RASSF3: variants seen among roughly 807,000 people sequenced by gnomAD.
RASSF3 encodes ras association domain-containing protein 3.
RASSF3 carries 19 observed loss-of-function variants against 19.9 expected under a neutral mutation model. The ratio of observed to expected loss-of-function variants is 0.96; its 90% confidence interval spans 0.67 to 1.40. The LOEUF (loss-of-function observed/expected upper bound fraction) is 1.40, where lower values mean the gene tolerates loss of function less well. Among genes scored for constraint, RASSF3 ranks in the 40% most tolerant of loss-of-function variants. RASSF3 has a pLI of 0.00. For missense variants in RASSF3, 306 were observed against 289.8 expected (o/e 1.06, Z -0.41); for synonymous variants, 110 against 104.2 (o/e 1.06, Z -0.34).
chr12:64,594,265 T>C (rs2136141936), intron 2 of RASSF3, among the ~76,000 whole-genome samples: 1 of 151,350 alleles, frequency 6.6e-6, no homozygotes, highest in African/African-American at 2.4e-5. Flanking sequence ...GCCCAGGAGG[T>C]CAAGGCTGCA....
In RASSF3 at chr12:64,647,258, A is replaced by AT. The variant is rs567500189; in HGVS notation, c.111+36523dup. 4.5e-4 allele frequency among the ~76,000 whole-genome samples: 68 copies of AT among 150,054 alleles called. 2 individuals carry two copies. In the South Asian group the frequency reaches 5.9e-3, roughly 13 times the overall value. Reference sequence around the variant, plus strand: ...TTTTATTTATTTATTTATTTATTTTATTTTTTTTAAGACAGAGCCTCACTC... The same window carrying AT: ...TTTTATTTATTTATTTATTTATTTTATTTTTTTTTAAGACAGAGCCTCACTC... On this transcript the variant is annotated intron_variant, in intron 1 of 4. Coordinates refer to ENST00000542104, the MANE Select transcript of RASSF3 (RefSeq NM_178169.4).
intron 1 of RASSF3, among the ~76,000 whole-genome samples, chr12:64,537,132 A>T (rs984441139): frequency 6.6e-6 from 1 of 151,742 alleles, no homozygotes; most frequent in African/African-American, 2.4e-5. Flanking sequence ...TTCTCCCCCT[A>T]TCTCTCTGAC....
chr12:64,588,892 T>C (rs928058271), intron 2 of RASSF3, among the ~76,000 whole-genome samples: 4 of 152,230 alleles, frequency 2.6e-5, no homozygotes, highest in African/African-American at 9.6e-5. Flanking sequence ...AAAGACCCTC[T>C]TTATGTAACT....
At chr12:64,647,028 G>A (rs777462264) in intron 1 of RASSF3, among the ~76,000 whole-genome samples, 4 of 152,116 alleles carry the variant, frequency 2.6e-5, no homozygotes, top group Non-Finnish European at 5.9e-5. Context: ...AAGTGCAGAA[G>A]CTAGAATTTT....
At chr12:64,670,786 T>C (rs1438499091) in intron 1 of RASSF3, among the ~76,000 whole-genome samples, 2 of 152,204 alleles carry the variant, frequency 1.3e-5, no homozygotes, top group Admixed American at 6.5e-5. Context: ...TGTATCAAAA[T>C]GGCTAAGTCG....
intron 1 of RASSF3, among the ~76,000 whole-genome samples, chr12:64,683,989 GGAGAGA>G (rs60696217): frequency 2.5e-5 from 3 of 121,196 alleles, no homozygotes; most frequent in African/African-American, 5.7e-5. Context: ...AGGGAGAGAA[GGAGAGA>G]GAGAGAGAGA....
In RASSF3 at chr12:64,577,338, C is replaced by T. The variant is rs535536015; in HGVS notation, c.294+35633C>T. ...AATTCCACTTGCTGCTGCCATTTAG[C>T]GCTACAATGTTTTAAAAATTAATGA... On this transcript the variant is annotated intron_variant, in intron 2 of 5. Transcript: ENST00000637125. Among the ~76,000 whole-genome samples, 27 of 152,270 alleles carry T rather than the reference C, an allele frequency of 1.8e-4. No homozygotes were observed. In the East Asian group the frequency reaches 3.9e-3, roughly 22 times the overall value.
At chr12:64,527,999 C>T (rs1868625555) in intron 1 of RASSF3, among the ~76,000 whole-genome samples, 1 of 152,072 alleles carries the variant, frequency 6.6e-6, no homozygotes, top group Admixed American at 6.6e-5. Flanking sequence ...TGGCTCACGC[C>T]TGTAATCCCA....
In RASSF3 at chr12:64,513,722, G is replaced by T. The variant is rs541201649; in HGVS notation, c.169+6393G>T. Among the ~76,000 whole-genome samples, 74 of 152,176 alleles carry T rather than the reference G, an allele frequency of 4.9e-4. 3 individuals are homozygous for T. The highest frequency in any genetic ancestry group is 3.4e-3 in the Middle Eastern group (1 of 294). On this transcript the variant is annotated intron_variant, in intron 1 of 5. Coordinates refer to the RASSF3 transcript ENST00000637125. ...CTCAAATCTCAAGAACCTCCAAATT[G>T]TTCTAGTCCAGTCAGCCTAAGCCCT...
At chr12:64,518,424 CAG>C (rs1294559074) in intron 1 of RASSF3, among the ~76,000 whole-genome samples, 1 of 152,180 alleles carries the variant, frequency 6.6e-6, no homozygotes, top group African/African-American at 2.4e-5. Flanking sequence ...AAGAAGAAGA[CAG>C]TGTATCACAC....
chr12:64,625,549 C>T (rs1441314105), intron 1 of RASSF3, among the ~76,000 whole-genome samples: 2 of 151,974 alleles, frequency 1.3e-5, no homozygotes, highest in Admixed American at 6.6e-5. Context: ...TGACAAATTC[C>T]GCTTCTTCCT....
At chr12:64,532,867 G>A (rs1868743403), upstream of RASSF3, among the ~76,000 whole-genome samples, 1 of 152,030 alleles carries the variant, frequency 6.6e-6, no homozygotes, top group Non-Finnish European at 1.5e-5. Flanking sequence ...CAGTGAGATG[G>A]GAACTATTAT....
intron 1 of RASSF3, among the ~76,000 whole-genome samples, chr12:64,636,480 A>G (rs956461769): frequency 1.3e-5 from 2 of 152,128 alleles, no homozygotes; most frequent in African/African-American, 4.8e-5. Context: ...AGGGAGTGGT[A>G]AGGAAGGAGT....
At chr12:64,661,381 A>T (rs1420079541) in intron 1 of RASSF3, among the ~76,000 whole-genome samples, 1 of 152,114 alleles carries the variant, frequency 6.6e-6, no homozygotes, top group East Asian at 1.9e-4. Context: ...GCTATTCAGG[A>T]GGCTGAGATG....
At chr12:64,691,999 GA>G (rs1350049976) in intron 4 of RASSF3, among the ~76,000 whole-genome samples, 1 of 152,118 alleles carries the variant, frequency 6.6e-6, no homozygotes, top group African/African-American at 2.4e-5. Flanking sequence ...GATATAAAAG[GA>G]AATTCGATCT....
At chr12:64,507,611 A>G (rs1868299920) in intron 1 of RASSF3, 1 of 249,590 alleles carries the variant, frequency 4.0e-6, no homozygotes, top group African/African-American at 2.2e-5. Context: ...AGAGATGGAG[A>G]ATGTTTAGTA....
chr12:64,570,654 G>A (rs1159095171), intron 2 of RASSF3, among the ~76,000 whole-genome samples: 3 of 152,294 alleles, frequency 2.0e-5, no homozygotes, highest in East Asian at 1.9e-4. Flanking sequence ...GGGAAAAATT[G>A]TCTTTCTAAG....
downstream of RASSF3, among the ~76,000 whole-genome samples, chr12:64,542,106 A>G (rs145583795): frequency 6.6e-6 from 1 of 152,166 alleles, no homozygotes; most frequent in East Asian, 1.9e-4. Context: ...TCTGAGACCA[A>G]CCTGGGCAAC....
chr12:64,528,954 G>A (rs374147772), upstream of RASSF3, among the ~76,000 whole-genome samples: 5 of 152,296 alleles, frequency 3.3e-5, no homozygotes, highest in East Asian at 3.9e-4. Flanking sequence ...TCAGCCTTTC[G>A]GAACCTCAGT....
Sources: allele counts gnomAD v4.1 joint callset (sites outside exome capture counted in the v4.1 genomes callset), GRCh38; gene constraint gnomAD v4.1.1; transcripts MANE v1.5; gene names NCBI Gene and HGNC (gene_info 2026-07-23, HGNC 2026-07-21).